Variants in NT5DC1 observed in about 807,000 individuals in gnomAD.
NT5DC1 encodes 5'-nucleotidase domain containing 1.
A neutral mutation model predicts 59.4 loss-of-function variants in NT5DC1; 42 were observed. That is an observed-to-expected ratio of 0.71 (90% confidence interval 0.55 to 0.92). The LOEUF (loss-of-function observed/expected upper bound fraction) is 0.92, where lower values mean the gene tolerates loss of function less well. Among genes scored for constraint, NT5DC1 ranks in the 40% least tolerant of loss-of-function variants. The pLI is 0.00. For synonymous variants in NT5DC1, 172 were observed against 188.1 expected, an observed-to-expected ratio of 0.91 and a Z score of 0.70; for missense variants, 501 against 537.1, an observed-to-expected ratio of 0.93 and a Z score of 0.66.
At chr6:116,225,767 C>G (rs1221675205) in intron 8 of NT5DC1, among the ~76,000 whole-genome samples, 1 of 152,178 alleles carries the variant, frequency 6.6e-6, no homozygotes, top group Non-Finnish European at 1.5e-5. Context: ...AGCTAGAAGA[C>G]AGTGTAGGAT....
At chr6:116,162,054 A>G (rs1780347656) in intron 6 of NT5DC1, among the ~76,000 whole-genome samples, 1 of 151,904 alleles carries the variant, frequency 6.6e-6, no homozygotes, top group Admixed American at 6.6e-5. Flanking sequence ...AATGAGATTG[A>G]GTTTTTTATT....
intron 8 of NT5DC1, among the ~76,000 whole-genome samples, chr6:116,233,978 T>G (rs990293718): frequency 2.5e-4 from 5 of 20,214 alleles, no homozygotes; most frequent in African/African-American, 1.2e-3. Context: ...CTTATAACTG[T>G]TTTTTTTTTT....
At chr6:116,210,250 A>T (rs1292939911) in intron 6 of NT5DC1, among the ~76,000 whole-genome samples, 2 of 152,000 alleles carry the variant, frequency 1.3e-5, no homozygotes, top group Non-Finnish European at 2.9e-5. Flanking sequence ...ATAAATTTAT[A>T]TGTAAGGTTC....
At chr6:116,239,783 AC>A (rs1782188547) in intron 11 of NT5DC1, among the ~76,000 whole-genome samples, 2 of 152,214 alleles carry the variant, frequency 1.3e-5, no homozygotes, top group East Asian at 3.8e-4. Flanking sequence ...ATTTCTAAAA[AC>A]AATTCATATA....
In NT5DC1 at chr6:116,238,239, A is replaced by G. The variant is rs780571739; in HGVS notation, c.974A>G (p.Tyr325Cys). Residue 325 changes from tyrosine (Y) to cysteine (C), a missense_variant, in exon 10 of 12, where the codon TAT (tyrosine) becomes TGT (cysteine). Coordinates refer to ENST00000319550, the MANE Select transcript of NT5DC1 (RefSeq NM_152729.3). ...MHSDIFPARH[Y>C]SNWETVLILE... ...TCAGATATTTTCCCAGCTCGTCACT[A>G]TAGTAATTGGGAGACAGTCCTCATC... is the stretch of plus-strand genomic sequence containing the variant. 13 of 1,612,360 alleles carry G rather than the reference A, an allele frequency of 8.1e-6. No homozygotes were observed. The East Asian group carries it at 2.2e-4, about 28-fold the overall frequency.
At position 116,244,610 on chromosome 6, in the gene NT5DC1, G is replaced by A. The variant is rs1358949710; in HGVS notation, c.*586G>A. On this transcript the variant is annotated 3_prime_UTR_variant, in exon 12 of 12. Coordinates refer to ENST00000319550, the MANE Select transcript of NT5DC1 (RefSeq NM_152729.3). ...TATATGCCCTAGGAAAGTACAACCA[G>A]AATTGAAAACCAACTGATCTATACC... 6.6e-6 allele frequency: 1 copy of A among 152,194 alleles called. No individual in the cohort carries two copies. Among genetic ancestry groups the A allele is most frequent in the Non-Finnish European group, 1.5e-5 (1 of 68,044 alleles). The allele number at this position is 152,194 out of a possible 1,614,324, so 9.4% of individuals were successfully genotyped here.
In NT5DC1 at chr6:116,120,535, C is replaced by G. The variant is rs775553455; in HGVS notation, c.529+2590C>G. 8.6e-5 allele frequency: 138 copies of G among 1,613,836 alleles called. No homozygotes were observed. Among genetic ancestry groups the G allele is most frequent in the Middle Eastern group, 1.6e-4 (1 of 6,082 alleles). On this transcript the variant is annotated intron_variant, in intron 6 of 11. Coordinates refer to ENST00000319550, the MANE Select transcript of NT5DC1 (RefSeq NM_152729.3). ...CAGAAAGACTGGGCCTTTGGCCTGC[C>G]TTTATAAAACCCTCAGGCATGACTG...
chr6:116,166,239 A>G (rs920575009), intron 6 of NT5DC1, among the ~76,000 whole-genome samples: 10 of 152,140 alleles, frequency 6.6e-5, no homozygotes, highest in African/African-American at 2.4e-4. Context: ...GATCCTGGCT[A>G]TCTTCCCTAA....
chr6:116,174,275 A>T (rs563840505), intron 6 of NT5DC1, among the ~76,000 whole-genome samples: 36 of 152,278 alleles, frequency 2.4e-4, no homozygotes, highest in African/African-American at 8.7e-4. Flanking sequence ...CACTCTCAAG[A>T]GTGACGGGTA....
At chr6:116,207,490 AAG>A (rs1781481922) in intron 6 of NT5DC1, among the ~76,000 whole-genome samples, 1 of 151,928 alleles carries the variant, frequency 6.6e-6, no homozygotes, top group East Asian at 1.9e-4. Context: ...TTACCGGGTA[AAG>A]AGTTACTTAA....
intron 6 of NT5DC1, among the ~76,000 whole-genome samples, chr6:116,149,013 T>G (rs1458387005): frequency 1.3e-5 from 2 of 152,234 alleles, no homozygotes; most frequent in African/African-American, 2.4e-5. Context: ...TTGTAGACTT[T>G]CCTTGATGTT....
intron 6 of NT5DC1, among the ~76,000 whole-genome samples, chr6:116,138,360 A>G (rs920211201): frequency 9.9e-5 from 15 of 152,250 alleles, no homozygotes; most frequent in African/African-American, 3.4e-4. Context: ...AGCACTACTT[A>G]ACTAGGAACT....
chr6:116,172,259 A>T (rs1340788935), intron 6 of NT5DC1, among the ~76,000 whole-genome samples: 1 of 151,466 alleles, frequency 6.6e-6, no homozygotes, highest in East Asian at 1.9e-4. Flanking sequence ...GTTATATTAG[A>T]TAAGTATATT....
intron 6 of NT5DC1, among the ~76,000 whole-genome samples, chr6:116,129,419 A>G (rs1036438613): frequency 2.6e-5 from 4 of 152,200 alleles, no homozygotes; most frequent in African/African-American, 9.7e-5. Flanking sequence ...GGCAAGTGGG[A>G]TCTTTAAGAG....
At chr6:116,230,931 C>T (rs1292283152) in intron 8 of NT5DC1, among the ~76,000 whole-genome samples, 1 of 151,960 alleles carries the variant, frequency 6.6e-6, no homozygotes, top group African/African-American at 2.4e-5. Context: ...AACTAGTCAA[C>T]CCCATCTCCA....
chr6:116,147,599 G>T (rs1779930726), intron 6 of NT5DC1, among the ~76,000 whole-genome samples: 1 of 152,034 alleles, frequency 6.6e-6, no homozygotes, highest in Non-Finnish European at 1.5e-5. Flanking sequence ...AATGGATAAA[G>T]AATTATAAAT....
intron 6 of NT5DC1, among the ~76,000 whole-genome samples, chr6:116,139,546 G>A (rs1183493370): frequency 6.6e-6 from 1 of 151,978 alleles, no homozygotes; most frequent in Non-Finnish European, 1.5e-5. Context: ...CATTTTACTT[G>A]CAGTGTTAAT....
intron 6 of NT5DC1, among the ~76,000 whole-genome samples, chr6:116,153,401 G>C (rs1035107905): frequency 6.6e-6 from 1 of 152,118 alleles, no homozygotes; most frequent in African/African-American, 2.4e-5. Flanking sequence ...TCTGTTGTCA[G>C]ATGATACATT....
intron 6 of NT5DC1, among the ~76,000 whole-genome samples, chr6:116,155,353 T>C (rs1306147705): frequency 6.6e-6 from 1 of 152,130 alleles, no homozygotes; most frequent in Non-Finnish European, 1.5e-5. Flanking sequence ...CACTTTATAG[T>C]AGTGGTTTTT....
Sources: allele counts gnomAD v4.1 joint callset (sites outside exome capture counted in the v4.1 genomes callset), GRCh38; gene constraint gnomAD v4.1.1; transcripts MANE v1.5; gene names NCBI Gene and HGNC (gene_info 2026-07-23, HGNC 2026-07-21).